RAB27A: variants seen among roughly 807,000 people sequenced by gnomAD.
The protein encoded by RAB27A is RAB27A, member RAS oncogene family.
RAB27A carries 17 observed loss-of-function variants against 20.8 expected under a neutral mutation model. The observed-to-expected ratio is 0.82, with a 90% CI of 0.56 to 1.23. RAB27A has a LOEUF of 1.23. Among genes scored for constraint, RAB27A ranks in the 50% most tolerant of loss-of-function variants. RAB27A has a pLI of 0.00. For missense variants in RAB27A, 277 were observed against 266.7 expected (o/e 1.04, Z -0.27); for synonymous variants, 85 against 92.8 (o/e 0.92, Z 0.48).
At chr15:55,216,899 C>T (rs1895331852) in intron 6 of RAB27A, among the ~76,000 whole-genome samples, 1 of 152,224 alleles carries the variant, frequency 6.6e-6, no homozygotes, top group Non-Finnish European at 1.5e-5. Context: ...TCTTACTCTA[C>T]TGATTAATAC....
chr15:55,218,926 G>T (rs1036240935), intron 6 of RAB27A, among the ~76,000 whole-genome samples: 1 of 151,874 alleles, frequency 6.6e-6, no homozygotes, highest in African/African-American at 2.4e-5. Context: ...TATTTTTGTA[G>T]AGACGGGGTT....
intron 1 of RAB27A, among the ~76,000 whole-genome samples, chr15:55,286,687 C>T (rs769381229): frequency 6.6e-6 from 1 of 151,878 alleles, no homozygotes; most frequent in Non-Finnish European, 1.5e-5. Flanking sequence ...TTGTATAGAC[C>T]ATGGTGAGGA....
At chr15:55,251,974 C>G (rs147309846) in intron 2 of RAB27A, among the ~76,000 whole-genome samples, 52 of 152,216 alleles carry the variant, frequency 3.4e-4, no homozygotes, top group African/African-American at 1.2e-3. Context: ...GGCTTCATGT[C>G]AAGGCAGCAC....
At chr15:55,278,526 A>T (rs1442153268) in intron 1 of RAB27A, among the ~76,000 whole-genome samples, 2 of 146,106 alleles carry the variant, frequency 1.4e-5, no homozygotes, top group African/African-American at 2.5e-5. Flanking sequence ...TCTGCCACCC[A>T]GGCTGGAGTG....
chr15:55,271,477 G>C (rs1302910463), intron 1 of RAB27A, among the ~76,000 whole-genome samples: 1 of 152,202 alleles, frequency 6.6e-6, no homozygotes, highest in Non-Finnish European at 1.5e-5. Flanking sequence ...TAAAGTGTGA[G>C]AGCTGCTGCT....
intron 4 of RAB27A, 113 bp downstream of exon 4, chr15:55,230,288 T>TC: frequency 8.0e-6 from 8 of 997,062 alleles, no homozygotes; most frequent in Non-Finnish European, 1.3e-5. Context: ...TTGGCAGCAT[T>TC]CAAGTGCAAA....
In RAB27A at chr15:55,230,216, C is replaced by T. The variant is rs572949270; in HGVS notation, c.239+185G>A. Among the ~76,000 whole-genome samples the T allele has an allele frequency of 2.6e-5, 4 of 152,354 alleles. No individual in the cohort carries two copies. In the East Asian group the frequency reaches 7.7e-4, roughly 29 times the overall value. ...CACAAGTAAGAGTCATAACCTCTCC[C>T]TTGACCTTGTATGAAATAAGGCCAC... is the stretch of plus-strand genomic sequence containing the variant. On this transcript the variant is annotated intron_variant, in intron 4 of 6. Coordinates refer to ENST00000336787, the MANE Select transcript of RAB27A (RefSeq NM_183235.3).
At chr15:55,297,182 A>G (rs898979032) in intron 2 of RAB27A, among the ~76,000 whole-genome samples, 3 of 152,230 alleles carry the variant, frequency 2.0e-5, no homozygotes, top group African/African-American at 7.2e-5. Flanking sequence ...CTGGTAGAGA[A>G]GCCATTATCA....
At chr15:55,255,230 C>T (rs2141048837) in intron 2 of RAB27A, among the ~76,000 whole-genome samples, 1 of 152,316 alleles carries the variant, frequency 6.6e-6, no homozygotes, top group East Asian at 1.9e-4. Flanking sequence ...TGAAACCAAA[C>T]TGCAACTCTA....
chr15:55,287,584 C>G (rs77265682), intron 1 of RAB27A, among the ~76,000 whole-genome samples: 41 of 151,702 alleles, frequency 2.7e-4, no homozygotes, highest in African/African-American at 9.0e-4. Context: ...CCTGTCTCTA[C>G]TAAAAATATA....
chr15:55,283,716 A>G (rs1898077218), intron 1 of RAB27A, among the ~76,000 whole-genome samples: 1 of 152,178 alleles, frequency 6.6e-6, no homozygotes, highest in South Asian at 2.1e-4. Flanking sequence ...CCTGACCACA[A>G]TCATAGGTTA....
chr15:55,255,032 T>TCATCA (rs1897028940), intron 2 of RAB27A, among the ~76,000 whole-genome samples: 1 of 152,206 alleles, frequency 6.6e-6, no homozygotes, highest in African/African-American at 2.4e-5. Flanking sequence ...ACTACACACC[T>TCATCA]CTATGCACAG....
intron 6 of RAB27A, among the ~76,000 whole-genome samples, chr15:55,213,923 C>T (rs952359546): frequency 6.6e-6 from 1 of 152,190 alleles, no homozygotes; most frequent in Admixed American, 6.5e-5. Flanking sequence ...ACCACCCACA[C>T]CTCCACTGGT....
intron 5 of RAB27A, among the ~76,000 whole-genome samples, chr15:55,226,959 TAAC>T (rs1420336237): frequency 1.3e-5 from 2 of 152,058 alleles, no homozygotes; most frequent in African/African-American, 4.8e-5. Flanking sequence ...TACAGATAAT[TAAC>T]AAATGTTTAT....
intron 2 of RAB27A, among the ~76,000 whole-genome samples, chr15:55,303,806 C>A: frequency 7.7e-6 from 1 of 130,330 alleles, no homozygotes; most frequent in South Asian, 2.6e-4. Context: ...CAGCCCCCCG[C>A]CCGGCCAGCC....
chr15:55,205,755 T>C (rs1035920895), intron 6 of RAB27A, 50 bp from the exon 7 acceptor site: 1 of 1,465,212 alleles, frequency 6.8e-7, no homozygotes. Flanking sequence ...GAAAGGAGAG[T>C]GACCTTTGCT....
chr15:55,230,537 G>A (rs375414782), intron 3 of RAB27A, 51 bp from the exon 4 acceptor site: 76 of 1,460,368 alleles, frequency 5.2e-5, no homozygotes, highest in Middle Eastern at 1.7e-4. Flanking sequence ...TAACACCAGC[G>A]AACCTTCTCA....
At chr15:55,207,790 C>A (rs1338251391) in intron 6 of RAB27A, among the ~76,000 whole-genome samples, 3 of 152,116 alleles carry the variant, frequency 2.0e-5, no homozygotes, top group Admixed American at 6.5e-5. Context: ...TCAAGCGATT[C>A]TCGTCCCTCA....
chr15:55,244,247 G>A (rs952485702), intron 2 of RAB27A, among the ~76,000 whole-genome samples: 1 of 152,126 alleles, frequency 6.6e-6, no homozygotes, highest in African/African-American at 2.4e-5. Context: ...CCTGGGAGGT[G>A]GAGGTTGCAG....
Sources: allele counts gnomAD v4.1 joint callset (sites outside exome capture counted in the v4.1 genomes callset), GRCh38; gene constraint gnomAD v4.1.1; transcripts MANE v1.5; gene names NCBI Gene and HGNC (gene_info 2026-07-23, HGNC 2026-07-21).